Variants in NOL4 observed in about 807,000 individuals in gnomAD.
The protein encoded by NOL4 is nucleolar protein 4, also known as cancer/testis antigen 125.
A neutral mutation model predicts 75.9 loss-of-function variants in NOL4; 17 were observed. The observed-to-expected ratio is 0.22, with a 90% CI of 0.15 to 0.34. NOL4 has a LOEUF of 0.34. Among genes scored for constraint, NOL4 ranks in the 10% least tolerant of loss-of-function variants. The pLI, the probability that NOL4 is intolerant of heterozygous loss-of-function variation, is 1.00. For missense variants in NOL4, 614 were observed against 793.5 expected (o/e 0.77, Z 2.72); for synonymous variants, 292 against 289.9 (o/e 1.01, Z -0.07).
At chr18:34,222,108 G>A in intron 1 of NOL4, 2 of 1,534,352 alleles carry the variant, frequency 1.3e-6, no homozygotes, top group East Asian at 4.9e-5. Context: ...GAAAATCGAC[G>A]CTGCTGCGGC....
At position 34,024,190 on chromosome 18, in the gene NOL4, AAAAAAT is replaced by A. The variant is rs1246498307; in HGVS notation, c.773-4595_773-4590del. 4.0e-4 allele frequency among the ~76,000 whole-genome samples: 28 copies of A among 69,652 alleles called. No homozygotes were observed. The East Asian group carries it at 7.1e-3, about 18-fold the overall frequency. 45.7% of individuals were successfully genotyped at this position (69,652 alleles called of 152,430 possible). ...TAGGCAAAATAAACAGGAAAAAAAAAAAAAATATATATATATATATATATAAAATCC... is the reference window on the plus strand; with the variant it reads ...TAGGCAAAATAAACAGGAAAAAAAAAATATATATATATATATATAAAATCC... On this transcript the variant is annotated intron_variant, in intron 5 of 10. Coordinates refer to ENST00000261592, the MANE Select transcript of NOL4 (RefSeq NM_003787.5).
At chr18:33,918,409 GTTA>G (rs1251142005) in intron 9 of NOL4, among the ~76,000 whole-genome samples, 1 of 152,096 alleles carries the variant, frequency 6.6e-6, no homozygotes, top group Admixed American at 6.5e-5. Context: ...TTATTCGTAT[GTTA>G]TTAATATATT....
chr18:34,101,841 C>T (rs1035305413), intron 4 of NOL4, among the ~76,000 whole-genome samples: 1 of 151,958 alleles, frequency 6.6e-6, no homozygotes, highest in Non-Finnish European at 1.5e-5. Flanking sequence ...CTTCTCTGCT[C>T]AAAACCTTCT....
intron 6 of NOL4, among the ~76,000 whole-genome samples, chr18:33,972,277 TA>T (rs202137031): frequency 8.0e-5 from 12 of 149,664 alleles, no homozygotes; most frequent in Middle Eastern, 3.5e-3. Flanking sequence ...AACTCAACAA[TA>T]AAAAAAAACA....
chr18:34,043,812 T>G (rs2076243480), intron 5 of NOL4, among the ~76,000 whole-genome samples: 1 of 152,090 alleles, frequency 6.6e-6, no homozygotes, highest in South Asian at 2.1e-4. Context: ...CAGTGTGTTT[T>G]CCTCTTTAGG....
At chr18:33,887,188 C>A (rs2064791871) in intron 9 of NOL4, among the ~76,000 whole-genome samples, 2 of 143,324 alleles carry the variant, frequency 1.4e-5, no homozygotes, top group South Asian at 2.2e-4. Flanking sequence ...CTATTATATA[C>A]CCACAAAAAT....
intron 10 of NOL4, among the ~76,000 whole-genome samples, chr18:33,862,676 A>G (rs1429904178): frequency 6.6e-6 from 1 of 152,240 alleles, no homozygotes; most frequent in African/African-American, 2.4e-5. Flanking sequence ...AAAAATGCTC[A>G]CCATCACTGG....
Position 34,135,855 on chromosome 18 carries a change from T to G in NOL4, c.265-5835A>C, listed in dbSNP as rs536664754. ...ATTATCCAATGAGGCCAGCATTATC[T>G]TGATACAAAAATCAAATATATCACA... On this transcript the variant is annotated intron_variant, in intron 1 of 10. Coordinates refer to ENST00000261592, the MANE Select transcript of NOL4 (RefSeq NM_003787.5). 3.9e-5 allele frequency among the ~76,000 whole-genome samples: 6 copies of G among 152,198 alleles called. No individual in the cohort carries two copies. In the East Asian group the frequency reaches 1.2e-3, roughly 29 times the overall value.
At chr18:34,187,139 A>G (rs1441605286) in intron 1 of NOL4, among the ~76,000 whole-genome samples, 1 of 152,152 alleles carries the variant, frequency 6.6e-6, no homozygotes, top group Non-Finnish European at 1.5e-5. Flanking sequence ...GTAATATAAT[A>G]CAGAATAGTT....
chr18:33,938,428 T>A (rs550172981), intron 9 of NOL4, among the ~76,000 whole-genome samples: 1 of 152,114 alleles, frequency 6.6e-6, no homozygotes, highest in Non-Finnish European at 1.5e-5. Flanking sequence ...TTTCTCCACA[T>A]CCTCTCCAGC....
intron 1 of NOL4, among the ~76,000 whole-genome samples, chr18:34,200,871 T>C (rs145970824): frequency 0.02 from 3,058 of 151,890 alleles, 49 homozygotes; most frequent in Middle Eastern, 0.054. Flanking sequence ...AATTTTTTTT[T>C]CCCAGAATGT....
intron 1 of NOL4, among the ~76,000 whole-genome samples, chr18:34,204,387 TTTTAATATTCTGAGG>T (rs142440907): frequency 0.07 from 10,628 of 152,148 alleles, 717 homozygotes; most frequent in African/African-American, 0.18. Context: ...TTCCTTTTTA[TTTTAATATTCTGAGG>T]TTTAATATTC....
chr18:33,904,207 G>C (rs1179796679), intron 9 of NOL4, among the ~76,000 whole-genome samples: 1 of 152,070 alleles, frequency 6.6e-6, no homozygotes, highest in Non-Finnish European at 1.5e-5. Flanking sequence ...CTTTGCCATA[G>C]GGGTCCCATC....
At chr18:33,927,691 T>C (rs2067426839) in intron 9 of NOL4, among the ~76,000 whole-genome samples, 1 of 152,206 alleles carries the variant, frequency 6.6e-6, no homozygotes, top group Non-Finnish European at 1.5e-5. Flanking sequence ...ATTGATTATA[T>C]TTTGGAAAGA....
At chr18:34,156,042 G>C (rs2030328696) in intron 1 of NOL4, among the ~76,000 whole-genome samples, 1 of 152,160 alleles carries the variant, frequency 6.6e-6, no homozygotes, top group East Asian at 1.9e-4. Flanking sequence ...ATGCCTGTTT[G>C]TCAGAATATT....
intron 5 of NOL4, among the ~76,000 whole-genome samples, chr18:34,068,007 G>T (rs2077353733): frequency 6.6e-6 from 1 of 152,058 alleles, no homozygotes; most frequent in African/African-American, 2.4e-5. Flanking sequence ...GAAGCCACAA[G>T]GCACTGCAAA....
chr18:34,018,378 T>C (rs2074831882), intron 6 of NOL4, among the ~76,000 whole-genome samples: 1 of 152,078 alleles, frequency 6.6e-6, no homozygotes, highest in Non-Finnish European at 1.5e-5. Flanking sequence ...TAAAAGAGGA[T>C]AAAACAACAC....
intron 10 of NOL4, among the ~76,000 whole-genome samples, chr18:33,857,855 A>G (rs942860271): frequency 2.0e-5 from 3 of 152,132 alleles, no homozygotes; most frequent in Admixed American, 1.3e-4. Context: ...AATATGTCCA[A>G]ATAACCCTCT....
intron 8 of NOL4, among the ~76,000 whole-genome samples, chr18:33,952,183 C>G (rs1013757652): frequency 6.6e-6 from 1 of 151,914 alleles, no homozygotes; most frequent in Non-Finnish European, 1.5e-5. Flanking sequence ...GAGAACATAC[C>G]CCATGAGGCT....
Sources: allele counts gnomAD v4.1 joint callset (sites outside exome capture counted in the v4.1 genomes callset), GRCh38; gene constraint gnomAD v4.1.1; transcripts MANE v1.5; gene names NCBI Gene and HGNC (gene_info 2026-07-23, HGNC 2026-07-21).